The following HPS3 variants were observed in gnomAD, a reference collection of about 807,000 sequenced individuals.
HPS3 encodes the protein HPS3 biogenesis of lysosomal organelles complex 2 subunit 1, also known as BLOC-2 complex member HPS3.
Under a neutral mutation model 110.9 loss-of-function variants are expected in HPS3, and 79 were observed. That is an observed-to-expected ratio of 0.71 (90% CI 0.59 to 0.86). The LOEUF (loss-of-function observed/expected upper bound fraction) is 0.86. Among genes scored for constraint, HPS3 ranks in the 40% least tolerant of loss-of-function variants. The pLI, the probability that HPS3 is intolerant of heterozygous loss-of-function variation, is 0.00. For missense variants in HPS3, 1,197 were observed against 1,206.2 expected (o/e 0.99, Z 0.11); for synonymous variants, 428 against 451.0 (o/e 0.95, Z 0.65).
At chr3:149,163,983 G>A in intron 14 of HPS3, 34 bp downstream of exon 14, 1 of 1,036,282 alleles carries the variant, frequency 9.6e-7, no homozygotes, top group African/African-American at 1.6e-5. Context: ...TTATGAAATT[G>A]CATATTACAA....
intron 12 of HPS3, 114 bp from the exon 13 acceptor site, chr3:149,162,576 A>G (rs952041668): frequency 8.4e-7 from 1 of 1,191,188 alleles, no homozygotes. Flanking sequence ...CGCTAATGCT[A>G]ATGGTAAATT....
intron 13 of HPS3, 76 bp downstream of exon 13, chr3:149,162,954 T>G: frequency 8.1e-7 from 1 of 1,228,060 alleles, no homozygotes. Flanking sequence ...TTTTAATAAC[T>G]TATTATAAAA....
At chr3:149,134,960 T>G (rs1255645530) in intron 1 of HPS3, among the ~76,000 whole-genome samples, 1 of 152,212 alleles carries the variant, frequency 6.6e-6, no homozygotes, top group Admixed American at 6.5e-5. Context: ...TAACTTGTTT[T>G]CCACTTCACA....
chr3:149,151,201 TTA>T (rs1444699363), intron 6 of HPS3, among the ~76,000 whole-genome samples: 17 of 108,142 alleles, frequency 1.6e-4, no homozygotes, highest in African/African-American at 4.5e-4. Context: ...ATTATTATTA[TTA>T]TTTTTTTTTC....
chr3:149,141,504 T>G, intron 4 of HPS3, 124 bp downstream of exon 4: 7 of 699,030 alleles, frequency 1.0e-5, no homozygotes, highest in Admixed American at 5.2e-5. Context: ...AGTCTCCTTG[T>G]GGCCCTTTAA....
chr3:149,149,351 G>A (rs1373494336), intron 5 of HPS3, among the ~76,000 whole-genome samples: 1 of 152,066 alleles, frequency 6.6e-6, no homozygotes, highest in Non-Finnish European at 1.5e-5. Context: ...TCCCACTGCA[G>A]GTGCTTTTTT....
At chr3:149,159,095 A>T (rs2108161488) in intron 10 of HPS3, among the ~76,000 whole-genome samples, 1 of 152,304 alleles carries the variant, frequency 6.6e-6, no homozygotes, top group Admixed American at 6.5e-5. Context: ...TAGTCTCAAC[A>T]CCTGCCCAGT....
chr3:149,162,295 A>C lies in HPS3; in HGVS notation c.2254A>C (p.Asn752His). The C allele has an allele frequency of 6.2e-7, 1 of 1,614,032 alleles. No homozygotes were observed. The highest frequency in any genetic ancestry group is 1.1e-5 in the South Asian group (1 of 91,086). Residue 752 changes from asparagine (N) to histidine (H), a missense_variant, in exon 12 of 17, where the codon AAC becomes CAC. Transcript: ENST00000296051. Reference sequence around the variant, plus strand: ...TTCAGTTCTGGGCTTGCAGAAGAACAACAAAATTGGAATTGAAGAAGCAGA... The same window carrying C: ...TTCAGTTCTGGGCTTGCAGAAGAACCACAAAATTGGAATTGAAGAAGCAGA... ...VASVLGLQKN[N>H]KIGIEEADSF...
chr3:149,172,224 G>A lies in HPS3; in HGVS notation c.*2G>A, dbSNP rs776380448. On this transcript the variant is annotated 3_prime_UTR_variant, in exon 17 of 17. Coordinates refer to ENST00000296051, the MANE Select transcript of HPS3 (RefSeq NM_032383.5). The stretch of plus-strand genomic sequence containing the variant: ...AGTCGAAAGAAACCATTGACTTAAA[G>A]GTATCATTTGAAAAATACCATAATG... The A allele has an allele frequency of 1.2e-6, 2 of 1,601,950 alleles. No homozygotes were observed. Among genetic ancestry groups the A allele is most frequent in the Non-Finnish European group, 1.7e-6 (2 of 1,172,506 alleles).
At chr3:149,159,971 A>G in intron 10 of HPS3, 75 bp from the exon 11 acceptor site, 2 of 995,360 alleles carry the variant, frequency 2.0e-6, no homozygotes. Flanking sequence ...TTTTGCACAT[A>G]TGTTTTGCTG....
chr3:149,141,479 TG>T (rs1284025544), intron 4 of HPS3, 99 bp downstream of exon 4: 5 of 981,648 alleles, frequency 5.1e-6, no homozygotes, highest in South Asian at 2.6e-5. Flanking sequence ...TTTGGTGGTT[TG>T]GTTCTTCCAC....
intron 14 of HPS3, among the ~76,000 whole-genome samples, chr3:149,166,296 A>C (rs566407996): frequency 6.6e-5 from 10 of 152,304 alleles, no homozygotes; most frequent in African/African-American, 2.2e-4. Flanking sequence ...AGTCTTATTA[A>C]GTGTTAAATT....
intron 16 of HPS3, among the ~76,000 whole-genome samples, chr3:149,169,347 G>C (rs571843916): frequency 1.3e-5 from 2 of 152,164 alleles, no homozygotes; most frequent in South Asian, 4.1e-4. Flanking sequence ...CACTTACTAA[G>C]TGTCCGAGAG....
Position 149,140,463 on chromosome 3 carries a change from A to C in HPS3, c.677A>C (p.His226Pro), listed in dbSNP as rs188661079. The C allele has an allele frequency of 6.2e-7, 1 of 1,614,150 alleles. No individual in the cohort carries two copies. Among genetic ancestry groups the C allele is most frequent in the Admixed American group, 1.7e-5 (1 of 60,018 alleles). The change falls in exon 2 of 17, where the codon CAT becomes CCT. Residue 226 changes from histidine (H) to proline (P), a missense_variant. Physicochemically the swap from His to Pro is moderately conservative, Grantham distance 77 (BLOSUM62 -2). Transcript: ENST00000296051. ...GGAGAGAGAGTTCACCACCATCCAC[A>C]TAAGACCAACAATCGAATAAGACGG... ...KNGERVHHHP[H>P]KTNNRIRRTE...
chr3:149,166,895 C>T (rs1036248816), intron 14 of HPS3, 139 bp from the exon 15 acceptor site: 19 of 704,280 alleles, frequency 2.7e-5, no homozygotes, highest in African/African-American at 5.3e-5. Context: ...ATAAGGACCA[C>T]GTGCATGTGC....
intron 4 of HPS3, 142 bp downstream of exon 4, chr3:149,141,522 TTTTTTTTTG>T: frequency 3.5e-6 from 2 of 572,596 alleles, no homozygotes; most frequent in Non-Finnish European, 6.1e-6. Flanking sequence ...TAACAAAGTT[TTTTTTTTTG>T]TTTTTTTTTT....
intron 10 of HPS3, among the ~76,000 whole-genome samples, chr3:149,159,683 A>G (rs188654793): frequency 8.5e-5 from 13 of 152,332 alleles, no homozygotes; most frequent in Admixed American, 6.5e-4. Flanking sequence ...TTCTCATACA[A>G]ATTACTTAAT....
chr3:149,162,815 C>T lies in HPS3; in HGVS notation c.2418C>T (p.Tyr806=), dbSNP rs765754765. Residue 806 remains tyrosine, a synonymous_variant, in exon 13 of 17, where the codon TAC becomes TAT. Coordinates refer to ENST00000296051, the MANE Select transcript of HPS3 (RefSeq NM_032383.5). ...QELFFKLTSQ[Y]IWRLSKRQPP... Reference sequence around the variant, plus strand: ...TCTTTTTCAAACTCACATCACAGTACATCTGGAGATTGTCTAAGAGGCAGC... The same window carrying T: ...TCTTTTTCAAACTCACATCACAGTATATCTGGAGATTGTCTAAGAGGCAGC... The T allele has an allele frequency of 1.2e-6, 2 of 1,613,928 alleles. No homozygotes were observed. Among genetic ancestry groups the T allele is most frequent in the East Asian group, 2.2e-5 (1 of 44,898 alleles).
intron 8 of HPS3, 64 bp from the exon 9 acceptor site, chr3:149,157,286 T>A: frequency 2.2e-6 from 3 of 1,387,000 alleles, no homozygotes; most frequent in Non-Finnish European, 3.1e-6. Context: ...TAAATGTTTT[T>A]AAGAACTCAG....
Sources: gnomAD v4.1 joint callset for allele counts (sites outside exome capture counted in the v4.1 genomes callset) on GRCh38, gnomAD v4.1.1 for gene constraint, MANE v1.5 for transcripts, NCBI Gene and HGNC (gene_info 2026-07-23, HGNC 2026-07-21) for gene names.